The following ERG variants were observed in gnomAD, a reference collection of about 807,000 sequenced individuals.
ERG encodes ETS transcription factor ERG.
A neutral mutation model predicts 55.3 loss-of-function variants in ERG; 9 were observed. The observed-to-expected ratio is 0.16, with a 90% confidence interval of 0.10 to 0.28. ERG has a LOEUF of 0.28. ERG is among the 10% of genes least tolerant of loss of function. The pLI is 1.00. For synonymous variants in ERG, 223 were observed against 237.3 expected (o/e 0.94, Z 0.55); for missense variants, 434 against 631.6 (o/e 0.69, Z 3.35).
intron 1 of ERG, among the ~76,000 whole-genome samples, chr21:38,487,264 AGAATC>A (rs1026734346): frequency 6.6e-5 from 10 of 152,162 alleles, no homozygotes; most frequent in African/African-American, 2.4e-4. Context: ...AAATCAAAAA[AGAATC>A]GAGTATTCAA....
At chr21:38,454,064 T>C (rs2146577427) in intron 1 of ERG, among the ~76,000 whole-genome samples, 1 of 152,326 alleles carries the variant, frequency 6.6e-6, no homozygotes, top group South Asian at 2.1e-4. Flanking sequence ...GAGGGCTGTT[T>C]CTACTCTTGA....
At chr21:38,537,775 T>C (rs2059722413) in intron 2 of ERG, among the ~76,000 whole-genome samples, 2 of 152,138 alleles carry the variant, frequency 1.3e-5, no homozygotes, top group Non-Finnish European at 2.9e-5. Flanking sequence ...ATTCAAAAAT[T>C]AAAAATAGAA....
intron 3 of ERG, among the ~76,000 whole-genome samples, chr21:38,420,147 C>A (rs1470998953): frequency 6.6e-6 from 1 of 151,926 alleles, no homozygotes; most frequent in African/African-American, 2.4e-5. Context: ...TCTTTTTGCA[C>A]ACATGGGGTA....
intron 2 of ERG, among the ~76,000 whole-genome samples, chr21:38,427,468 CTG>C (rs1317086137): frequency 6.6e-6 from 1 of 152,200 alleles, no homozygotes; most frequent in African/African-American, 2.4e-5. Flanking sequence ...CCACAGCGAA[CTG>C]TGTTGCTGGC....
intron 1 of ERG, among the ~76,000 whole-genome samples, chr21:38,614,321 T>C (rs460574): frequency 0.62 from 94,501 of 152,048 alleles, 29,767 homozygotes; most frequent in East Asian, 0.74. Context: ...CCCAATGTTG[T>C]TCAGGGCCAC....
At position 38,403,606 on chromosome 21, in the gene ERG, A is replaced by C. The variant is rs778604904; in HGVS notation, c.492T>G (p.Asp164Glu). The C allele has an allele frequency of 1.2e-6, 2 of 1,614,026 alleles. No homozygotes were observed. The highest frequency in any genetic ancestry group is 1.7e-6 in the Non-Finnish European group (2 of 1,180,010). The stretch of plus-strand genomic sequence containing the variant: ...TGGTCATCTTGCACAGTTCCTTCCC[A>C]TCGATGTTCTGGAATAACAAGATGT... The part of the protein sequence containing the change: ...DVNILLFQNI[D>E]GKELCKMTKD... Residue 164 changes from aspartate (D) to glutamate (E), a missense_variant, in exon 4 of 10, where the codon GAT (aspartate) becomes GAG (glutamate). Coordinates refer to ENST00000288319, the MANE Select transcript of ERG (RefSeq NM_182918.4).
At chr21:38,569,776 A>G (rs2059946093) in intron 2 of ERG, among the ~76,000 whole-genome samples, 1 of 152,074 alleles carries the variant, frequency 6.6e-6, no homozygotes, top group South Asian at 2.1e-4. Flanking sequence ...TTTTCAACAC[A>G]TATTACGTTT....
chr21:38,371,866 T>A, the ERG span, among the ~76,000 whole-genome samples: 1 of 152,112 alleles, frequency 6.6e-6, no homozygotes, highest in East Asian at 1.9e-4. Flanking sequence ...CTACAAATTT[T>A]AAAAATTTTA....
chr21:38,391,538 G>A, intron 8 of ERG, 121 bp downstream of exon 8: 1 of 802,612 alleles, frequency 1.2e-6, no homozygotes, highest in East Asian at 2.5e-5. Flanking sequence ...TCTTATGTAT[G>A]GAGCTGTCGA....
intron 6 of ERG, among the ~76,000 whole-genome samples, chr21:38,396,370 G>C (rs2146439856): frequency 2.0e-5 from 3 of 152,338 alleles, no homozygotes; most frequent in Admixed American, 2.0e-4. Context: ...CATTTGCTAA[G>C]ATACAGGCTT....
At chr21:38,367,847 C>T in the ERG span, among the ~76,000 whole-genome samples, 1 of 152,098 alleles carries the variant, frequency 6.6e-6, no homozygotes, top group African/African-American at 2.4e-5. Context: ...CAGCCACCTC[C>T]CAGGAGGACA....
At chr21:38,584,137 G>A (rs4817953) in intron 1 of ERG, among the ~76,000 whole-genome samples, 3,358 of 152,244 alleles carry the variant, frequency 0.022, 145 homozygotes, top group East Asian at 0.17. Flanking sequence ...TCCTTCCACT[G>A]ATCGACCCTG....
chr21:38,376,298 G>C (rs1017799646), downstream of ERG, among the ~76,000 whole-genome samples: 13 of 152,212 alleles, frequency 8.5e-5, no homozygotes, highest in Non-Finnish European at 1.8e-4. Flanking sequence ...TGTCGGATGT[G>C]AATCTGGGCC....
intron 1 of ERG, among the ~76,000 whole-genome samples, chr21:38,661,202 G>A (rs2060554014): frequency 6.6e-6 from 1 of 152,044 alleles, no homozygotes; most frequent in Non-Finnish European, 1.5e-5. Flanking sequence ...GGGAGCCGCG[G>A]GGGTGCGCGC....
chr21:38,618,111 A>T (rs1322111637), intron 1 of ERG, among the ~76,000 whole-genome samples: 8 of 152,216 alleles, frequency 5.3e-5, no homozygotes, highest in African/African-American at 1.9e-4. Context: ...GACCATCAAC[A>T]GTAGGATCAG....
At chr21:38,429,796 G>A (rs1404004402) in intron 2 of ERG, among the ~76,000 whole-genome samples, 2 of 151,770 alleles carry the variant, frequency 1.3e-5, no homozygotes, top group African/African-American at 2.4e-5. Context: ...TTGGTTGATG[G>A]GCATTTAGGC....
chr21:38,549,087 T>G (rs1277053882), intron 2 of ERG, among the ~76,000 whole-genome samples: 1 of 151,910 alleles, frequency 6.6e-6, no homozygotes, highest in African/African-American at 2.4e-5. Context: ...CACTCCAGCC[T>G]GGGCAACAGA....
intron 3 of ERG, among the ~76,000 whole-genome samples, chr21:38,406,916 C>T (rs1025247401): frequency 1.3e-5 from 2 of 152,118 alleles, no homozygotes; most frequent in African/African-American, 2.4e-5. Flanking sequence ...GAATCAGGTG[C>T]AAGACCCCAG....
intron 2 of ERG, among the ~76,000 whole-genome samples, chr21:38,521,254 T>C (rs2059592340): frequency 6.6e-6 from 1 of 152,178 alleles, no homozygotes; most frequent in Admixed American, 6.5e-5. Flanking sequence ...GTGCGGCTAC[T>C]ACACACGGAG....
Sources: allele counts gnomAD v4.1 joint callset (sites outside exome capture counted in the v4.1 genomes callset), GRCh38; gene constraint gnomAD v4.1.1; transcripts MANE v1.5; gene names NCBI Gene and HGNC (gene_info 2026-07-23, HGNC 2026-07-21).